DUSP10: variants seen among roughly 807,000 people sequenced by gnomAD.
DUSP10 encodes the protein dual specificity phosphatase 10, also known as dual specificity protein phosphatase 10.
DUSP10 carries 14 observed loss-of-function variants against 30.8 expected under a neutral mutation model. That is an observed-to-expected ratio of 0.46 (90% CI 0.30 to 0.71). The LOEUF is 0.71. DUSP10 is among the 30% of genes least tolerant of loss of function. DUSP10 has a pLI of 0.08. For missense variants in DUSP10, 550 were observed against 619.4 expected, an observed-to-expected ratio of 0.89 and a Z score of 1.19; for synonymous variants, 254 against 250.4, an observed-to-expected ratio of 1.01 and a Z score of -0.14.
chr1:221,720,518 G>T (rs1446201530), intron 2 of DUSP10, among the ~76,000 whole-genome samples: 4 of 152,168 alleles, frequency 2.6e-5, no homozygotes, highest in Admixed American at 2.6e-4. Flanking sequence ...ACTCAGGGAG[G>T]GGGTTGCAGA....
chr1:221,737,325 C>A, intron 2 of DUSP10: 1 of 985,392 alleles, frequency 1.0e-6, no homozygotes, highest in Middle Eastern at 5.2e-4. Context: ...CCTCTTTGCT[C>A]CCCAAGACAA....
chr1:221,708,897 A>C (rs1428944375), intron 2 of DUSP10, among the ~76,000 whole-genome samples: 1 of 152,104 alleles, frequency 6.6e-6, no homozygotes, highest in African/African-American at 2.4e-5. Context: ...ATGAGAGGGA[A>C]GAACAATAAA....
At chr1:221,732,078 C>T (rs921613000) in intron 2 of DUSP10, among the ~76,000 whole-genome samples, 13 of 152,128 alleles carry the variant, frequency 8.5e-5, no homozygotes, top group Non-Finnish European at 1.9e-4. Context: ...AAGACTGGTC[C>T]CATCCATATA....
chr1:221,726,405 A>G (rs569923293), intron 2 of DUSP10, among the ~76,000 whole-genome samples: 2 of 152,244 alleles, frequency 1.3e-5, no homozygotes, highest in Non-Finnish European at 2.9e-5. Context: ...AGCATTAAAG[A>G]AGAAAATCTA....
chr1:221,712,794 A>AAAAAT (rs1660980058), intron 2 of DUSP10, among the ~76,000 whole-genome samples: 1 of 150,826 alleles, frequency 6.6e-6, no homozygotes, highest in Non-Finnish European at 1.5e-5. Context: ...AAAAAAAAAA[A>AAAAAT]AAAAAAGAGC....
At chr1:221,735,424 T>C (rs1193118178) in intron 2 of DUSP10, among the ~76,000 whole-genome samples, 1 of 152,184 alleles carries the variant, frequency 6.6e-6, no homozygotes, top group Non-Finnish European at 1.5e-5. Context: ...AATGGGTACA[T>C]GACACTCAAG....
chr1:221,710,475 A>T (rs1212496761), intron 2 of DUSP10, among the ~76,000 whole-genome samples: 1 of 152,152 alleles, frequency 6.6e-6, no homozygotes, highest in African/African-American at 2.4e-5. Flanking sequence ...AATGTCCAGC[A>T]CATTGTAAGT....
intron 2 of DUSP10, among the ~76,000 whole-genome samples, chr1:221,730,068 CT>C (rs1661537516): frequency 6.6e-6 from 1 of 152,252 alleles, no homozygotes; most frequent in East Asian, 1.9e-4. Flanking sequence ...TTTCTGTCCA[CT>C]CCCCCACCCC....
At chr1:221,726,538 T>C (rs552054524) in intron 2 of DUSP10, among the ~76,000 whole-genome samples, 71 of 152,156 alleles carry the variant, frequency 4.7e-4, no homozygotes, top group Admixed American at 1.5e-3. Context: ...AATGTAAAAA[T>C]GAAACTAGGC....
At chr1:221,738,680 G>A (rs963223664) in intron 2 of DUSP10, among the ~76,000 whole-genome samples, 2 of 152,240 alleles carry the variant, frequency 1.3e-5, no homozygotes, top group Admixed American at 6.5e-5. Context: ...CAGTCCCAGA[G>A]AGGTGAAATG....
intron 2 of DUSP10, among the ~76,000 whole-genome samples, chr1:221,719,501 G>C (rs1661215567): frequency 6.6e-6 from 1 of 152,108 alleles, no homozygotes; most frequent in African/African-American, 2.4e-5. Context: ...TCCCTGCCTG[G>C]GTGACCACCT....
intron 2 of DUSP10, among the ~76,000 whole-genome samples, chr1:221,724,319 A>G (rs1474751011): frequency 6.9e-6 from 1 of 144,070 alleles, no homozygotes; most frequent in Non-Finnish European, 1.5e-5. Flanking sequence ...TAGACATGGA[A>G]TTCAGGCTAC....
At chr1:221,711,528 T>A (rs993202925) in intron 2 of DUSP10, 2 of 152,228 alleles carry the variant, frequency 1.3e-5, no homozygotes, top group African/African-American at 4.8e-5. Context: ...TAGTTTTTCT[T>A]ACTGAGTAAC....
chr1:221,715,106 G>A (rs952629293), intron 2 of DUSP10, among the ~76,000 whole-genome samples: 2 of 151,684 alleles, frequency 1.3e-5, no homozygotes, highest in Admixed American at 1.3e-4. Flanking sequence ...TTATATTTTC[G>A]AATATACTGT....
intron 2 of DUSP10, among the ~76,000 whole-genome samples, chr1:221,731,189 A>G (rs1226539477): frequency 1.3e-5 from 2 of 152,180 alleles, no homozygotes; most frequent in African/African-American, 4.8e-5. Context: ...AGGGGAAATA[A>G]CGCAGGCTTC....
chr1:221,738,442 G>A (rs1490847035), intron 2 of DUSP10, among the ~76,000 whole-genome samples: 2 of 152,196 alleles, frequency 1.3e-5, no homozygotes, highest in Admixed American at 1.3e-4. Context: ...AAGTCAAGCT[G>A]GTCAGAAAGG....
intron 2 of DUSP10, among the ~76,000 whole-genome samples, chr1:221,722,350 G>A (rs192493977): frequency 3.2e-4 from 48 of 152,252 alleles, no homozygotes; most frequent in African/African-American, 1.2e-3. Flanking sequence ...AGTTGGTTCT[G>A]ATGAATTTGC....
Position 221,702,158 on chromosome 1 carries a change from T to C in DUSP10, c.*254A>G. On this transcript the variant is annotated 3_prime_UTR_variant, in exon 4 of 4. Coordinates refer to ENST00000366899, the MANE Select transcript of DUSP10 (RefSeq NM_007207.6). The surrounding 1 kb of genome is among the most constrained non-coding windows in gnomAD (Gnocchi z 4.5). ...AGGGGGAGAAACAAGTTGTATTATA[T>C]TTTTATTGTTGGCTTAAAAAAATTA... is the stretch of plus-strand genomic sequence containing the variant. The C allele has an allele frequency of 2.2e-6, 1 of 462,226 alleles. No homozygotes were observed. The allele number at this position is 462,226 out of a possible 1,614,324, so 28.6% of individuals were successfully genotyped here.
Position 221,702,334 on chromosome 1 carries a change from A to G in DUSP10, c.*78T>C, listed in dbSNP as rs1660629428. ...CTCCCAACTACAAAAAAAAAAAGAA[A>G]GAAAAAAAACCAGAATCCATCCTCC... On this transcript the variant is annotated 3_prime_UTR_variant, in exon 4 of 4. Coordinates refer to ENST00000366899, the MANE Select transcript of DUSP10 (RefSeq NM_007207.6). The surrounding 1 kb of genome is among the most constrained non-coding windows in gnomAD (Gnocchi z 4.5). The G allele has an allele frequency of 1.3e-6, 2 of 1,512,274 alleles. No homozygotes were observed. The highest frequency in any genetic ancestry group is 1.8e-6 in the Non-Finnish European group (2 of 1,128,256). 93.7% of individuals were successfully genotyped at this position (1,512,274 alleles called of 1,614,324 possible). A position where few individuals can be genotyped will look rare whatever the true frequency, so the allele number is the denominator to read the frequency against.
Sources: gnomAD v4.1 joint callset for allele counts (sites outside exome capture counted in the v4.1 genomes callset) on GRCh38, gnomAD v4.1.1 for gene constraint, Gnocchi (gnomAD v3.1) non-coding constraint, MANE v1.5 for transcripts, NCBI Gene and HGNC (gene_info 2026-07-23, HGNC 2026-07-21) for gene names.